KCNN3: variants seen among roughly 807,000 people sequenced by gnomAD.
KCNN3 encodes the protein potassium calcium-activated channel subfamily N member 3.
Under a neutral mutation model 62.9 loss-of-function variants are expected in KCNN3, and 16 were observed. The ratio of observed to expected loss-of-function variants is 0.25; its 90% CI spans 0.17 to 0.39. The LOEUF (loss-of-function observed/expected upper bound fraction) is 0.39, where lower values mean the gene tolerates loss of function less well. KCNN3 is among the 10% of genes least tolerant of loss of function. The pLI is 1.00. For missense variants in KCNN3, 599 were observed against 949.4 expected (o/e 0.63, Z 4.85); for synonymous variants, 370 against 389.2 (o/e 0.95, Z 0.58).
chr1:154,776,138 C>T (rs1460184317), intron 2 of KCNN3, among the ~76,000 whole-genome samples: 2 of 152,170 alleles, frequency 1.3e-5, no homozygotes, highest in Non-Finnish European at 2.9e-5. Flanking sequence ...AGGTGGGGGC[C>T]ACATGGGGTA....
chr1:154,759,527 G>A (rs1208363912), intron 3 of KCNN3, among the ~76,000 whole-genome samples: 3 of 152,334 alleles, frequency 2.0e-5, no homozygotes, highest in East Asian at 1.9e-4. Context: ...GTGGGGGAGC[G>A]GGTGAGAATG....
intron 5 of KCNN3, among the ~76,000 whole-genome samples, chr1:154,723,621 A>G (rs1018859393): frequency 2.6e-5 from 4 of 152,206 alleles, no homozygotes; most frequent in Non-Finnish European, 5.9e-5. Flanking sequence ...ACTTGGTGAA[A>G]AATGGAGAGG....
chr1:154,833,051 G>A (rs993264950), intron 1 of KCNN3, among the ~76,000 whole-genome samples: 2 of 152,076 alleles, frequency 1.3e-5, no homozygotes, highest in Admixed American at 6.5e-5. Context: ...GGGTCTCTCA[G>A]CCTTATCACC....
chr1:154,813,433 A>G (rs932502825), intron 2 of KCNN3, among the ~76,000 whole-genome samples: 12 of 152,030 alleles, frequency 7.9e-5, no homozygotes, highest in African/African-American at 2.9e-4. Flanking sequence ...GGGAGGCTTC[A>G]TCTTAAGCCC....
In KCNN3 at chr1:154,706,823, T is replaced by G. The variant is rs973586790; in HGVS notation, c.*1153A>C. 9.2e-5 allele frequency: 14 copies of G among 152,240 alleles called. No individual in the cohort carries two copies. The highest frequency in any genetic ancestry group is 3.4e-4 in the African/African-American group (14 of 41,462). The allele number at this position is 152,240 out of a possible 1,614,324, so 9.4% of individuals were successfully genotyped here. A position where few individuals can be genotyped will look rare whatever the true frequency, so the allele number is the denominator to read the frequency against. Reference sequence around the variant, plus strand: ...CTAACATCTGGGGCTGGAAACCTGTTGCTGGATAAATACAGCTCAGCAAAT... The same window carrying G: ...CTAACATCTGGGGCTGGAAACCTGTGGCTGGATAAATACAGCTCAGCAAAT... On this transcript the variant is annotated 3_prime_UTR_variant, in exon 8 of 8. Transcript: ENST00000271915.
rs1699869127 is a variant in KCNN3 at position 154,702,284 on chromosome 1, A to G, written c.*5692T>C. On this transcript the variant is annotated 3_prime_UTR_variant, in exon 8 of 8. Coordinates refer to ENST00000271915, the MANE Select transcript of KCNN3 (RefSeq NM_002249.6). ...ACCTGCTAAACACTAGTTTGATACA[A>G]AATGTTAATTGAAAGTTACAATATA... 1 of 152,052 alleles carries G rather than the reference A, an allele frequency of 6.6e-6. No individual in the cohort carries two copies. The highest frequency in any genetic ancestry group is 2.4e-5 in the African/African-American group (1 of 41,410). The allele number at this position is 152,052 out of a possible 1,614,324, so 9.4% of individuals were successfully genotyped here.
At chr1:154,729,287 A>G (rs116651712) in intron 4 of KCNN3, among the ~76,000 whole-genome samples, 242 of 152,266 alleles carry the variant, frequency 1.6e-3, no homozygotes, top group African/African-American at 5.4e-3. Context: ...GGGGACATCA[A>G]CTGGAGTCCC....
intron 3 of KCNN3, among the ~76,000 whole-genome samples, chr1:154,755,932 T>G (rs974947431): frequency 6.3e-3 from 156 of 24,888 alleles, no homozygotes; most frequent in East Asian, 8.7e-3. Flanking sequence ...GAAGAAGAGG[T>G]GGAGGATGGG....
chr1:154,825,397 G>GCAAGA (rs1320662245), intron 1 of KCNN3, among the ~76,000 whole-genome samples: 1 of 125,132 alleles, frequency 8.0e-6, no homozygotes, highest in Non-Finnish European at 1.6e-5. Context: ...ACAGAGTCTT[G>GCAAGA]CTCTGTCTCC....
At chr1:154,825,515 G>A (rs1242461005) in intron 1 of KCNN3, among the ~76,000 whole-genome samples, 2 of 151,448 alleles carry the variant, frequency 1.3e-5, no homozygotes, top group African/African-American at 2.4e-5. Flanking sequence ...ACAGGCGCCC[G>A]CCACTACACC....
At chr1:154,736,878 TG>T (rs771502296) in intron 3 of KCNN3, among the ~76,000 whole-genome samples, 2 of 152,168 alleles carry the variant, frequency 1.3e-5, no homozygotes, top group Non-Finnish European at 2.9e-5. Context: ...CTGTGTGTGC[TG>T]AGGAGAGGAG....
In KCNN3 at chr1:154,869,840, GGCTGCTGCTGCTGTT is replaced by G. The variant is rs763649325; in HGVS notation, c.110_124del (p.Gln37_Gln41del). ...GGCTGCTGGTGGCGCTGGCGGTGGT[GGCTGCTGCTGCTGTT>G]GCTGCTGCTGCTGCTGCTGCTGCTC... On this transcript the variant is annotated inframe_deletion, in exon 1 of 8. Coordinates refer to ENST00000271915, the MANE Select transcript of KCNN3 (RefSeq NM_002249.6). This position sits in a 1 kb window ranked among gnomAD's most constrained non-coding sequence, Gnocchi z 6.1. The G allele has an allele frequency of 1.3e-5, 20 of 1,571,638 alleles. No homozygotes were observed. Among genetic ancestry groups the G allele is most frequent in the African/African-American group, 9.5e-5 (7 of 73,564 alleles).
Position 154,698,773 on chromosome 1 carries a change from G to C in KCNN3, c.*9203C>G, listed in dbSNP as rs1016550213. 10 of 152,228 alleles carry C rather than the reference G, an allele frequency of 6.6e-5. No homozygotes were observed. Among genetic ancestry groups the C allele is most frequent in the African/African-American group, 1.9e-4 (8 of 41,442 alleles). The allele number at this position is 152,228 out of a possible 1,614,324, so 9.4% of individuals were successfully genotyped here. A position where few individuals can be genotyped will look rare whatever the true frequency, so the allele number is the denominator to read the frequency against. On this transcript the variant is annotated 3_prime_UTR_variant, in exon 8 of 8. Coordinates refer to ENST00000271915, the MANE Select transcript of KCNN3 (RefSeq NM_002249.6). ...CAGGTTCCCACCTGCTTCAGGGAGA[G>C]AGACTTCCCACTAGTCCACCTTCTG...
intron 3 of KCNN3, among the ~76,000 whole-genome samples, chr1:154,756,543 C>T (rs1405009603): frequency 6.6e-6 from 1 of 151,954 alleles, no homozygotes; most frequent in Non-Finnish European, 1.5e-5. Context: ...TCCTTGCCAG[C>T]TCAGGGCCTT....
At chr1:154,741,384 G>T (rs191119029) in intron 3 of KCNN3, among the ~76,000 whole-genome samples, 2 of 152,112 alleles carry the variant, frequency 1.3e-5, no homozygotes, top group African/African-American at 2.4e-5. Context: ...CACATAATAG[G>T]GGCTCACTAA....
At chr1:154,841,509 C>T (rs1467571301) in intron 1 of KCNN3, among the ~76,000 whole-genome samples, 3 of 152,150 alleles carry the variant, frequency 2.0e-5, no homozygotes, top group African/African-American at 7.2e-5. Context: ...GACCACTGAG[C>T]AAGGCACTGT....
chr1:154,850,305 C>T (rs1652251620), intron 1 of KCNN3, among the ~76,000 whole-genome samples: 1 of 152,210 alleles, frequency 6.6e-6, no homozygotes, highest in Non-Finnish European at 1.5e-5. Flanking sequence ...AGTCCTGCAA[C>T]CAACAAGGGT....
At chr1:154,853,482 C>G (rs750036998) in intron 1 of KCNN3, among the ~76,000 whole-genome samples, 1 of 151,976 alleles carries the variant, frequency 6.6e-6, no homozygotes, top group Admixed American at 6.6e-5. Context: ...ACCACAGGCA[C>G]GCACCACCAT....
intron 3 of KCNN3, among the ~76,000 whole-genome samples, chr1:154,754,171 G>A (rs140688557): frequency 4.3e-4 from 66 of 152,330 alleles, no homozygotes; most frequent in Non-Finnish European, 8.1e-4. Flanking sequence ...TAATCTTCTA[G>A]AGGGAGCAAT....
Sources: allele counts gnomAD v4.1 joint callset (sites outside exome capture counted in the v4.1 genomes callset), GRCh38; gene constraint gnomAD v4.1.1; non-coding constraint Gnocchi (gnomAD v3.1); transcripts MANE v1.5; gene names NCBI Gene and HGNC (gene_info 2026-07-23, HGNC 2026-07-21).